NR5A2: variants seen among roughly 807,000 people sequenced by gnomAD.
The protein encoded by NR5A2 is nuclear receptor subfamily 5 group A member 2.
A neutral mutation model predicts 62.7 loss-of-function variants in NR5A2; 26 were observed. That is an observed-to-expected ratio of 0.41 (90% CI 0.30 to 0.58). NR5A2 has a LOEUF of 0.58. Ranked by LOEUF, NR5A2 falls within the 20% of genes least tolerant of loss-of-function variation. NR5A2 has a pLI of 0.22. For synonymous variants in NR5A2, 246 were observed against 241.7 expected, an observed-to-expected ratio of 1.02 and a Z score of -0.16; for missense variants, 541 against 669.1, an observed-to-expected ratio of 0.81 and a Z score of 2.11.
intron 5 of NR5A2, among the ~76,000 whole-genome samples, chr1:200,083,349 T>A (rs1333844371): frequency 6.6e-6 from 1 of 152,236 alleles, no homozygotes; most frequent in Admixed American, 6.5e-5. Context: ...ACAAATGTCA[T>A]CATTTGCTGT....
intron 4 of NR5A2, among the ~76,000 whole-genome samples, chr1:200,047,357 A>C (rs956615047): frequency 1.1e-4 from 16 of 152,174 alleles, no homozygotes; most frequent in African/African-American, 3.6e-4. Flanking sequence ...ACATGTCCCC[A>C]CCCCTTTTGT....
intron 1 of NR5A2, 71 bp downstream of exon 1, chr1:200,027,982 T>C (rs754030657): frequency 6.2e-6 from 7 of 1,131,500 alleles, no homozygotes; most frequent in Non-Finnish European, 8.8e-6. Flanking sequence ...ATCTTGTTGA[T>C]GGATTTTGCA....
chr1:200,163,265 CA>C (rs374872273), intron 7 of NR5A2, among the ~76,000 whole-genome samples: 17,877 of 87,854 alleles, frequency 0.2, 1,165 homozygotes, highest in African/African-American at 0.25. Context: ...ATGTCAAAGG[CA>C]AAAAAAAAAA....
At chr1:200,110,690 T>C (rs1313712096) in intron 5 of NR5A2, among the ~76,000 whole-genome samples, 2 of 152,224 alleles carry the variant, frequency 1.3e-5, no homozygotes, top group Admixed American at 6.5e-5. Context: ...ACGGGCTGTG[T>C]GTCTTTGTCT....
At chr1:200,071,506 A>G (rs979247901) in intron 5 of NR5A2, among the ~76,000 whole-genome samples, 1 of 152,238 alleles carries the variant, frequency 6.6e-6, no homozygotes, top group Non-Finnish European at 1.5e-5. Context: ...CTTGAGTATA[A>G]GGCAAATCTG....
chr1:200,170,222 C>T (rs2246923), intron 7 of NR5A2, among the ~76,000 whole-genome samples: 50,809 of 151,938 alleles, frequency 0.33, 8,763 homozygotes, highest in East Asian at 0.43. Flanking sequence ...TGGAATAGGA[C>T]TTGATTTTTA....
intron 5 of NR5A2, among the ~76,000 whole-genome samples, chr1:200,096,360 T>C (rs1446530092): frequency 6.6e-6 from 1 of 152,208 alleles, no homozygotes; most frequent in Non-Finnish European, 1.5e-5. Context: ...AGTGCTGAGA[T>C]TACAGGCGTG....
At chr1:200,168,950 G>A (rs1280122437) in intron 7 of NR5A2, among the ~76,000 whole-genome samples, 1 of 152,282 alleles carries the variant, frequency 6.6e-6, no homozygotes, top group East Asian at 1.9e-4. Context: ...ACAGTTTATA[G>A]ATTGTCATCT....
intron 5 of NR5A2, among the ~76,000 whole-genome samples, chr1:200,059,195 C>T (rs923651946): frequency 6.6e-6 from 1 of 152,124 alleles, no homozygotes; most frequent in Non-Finnish European, 1.5e-5. Context: ...AGAACAGGAA[C>T]AGGGTCTTGT....
rs1663777656 is a variant in NR5A2 at position 200,072,403 on chromosome 1, A to G, written c.1110+23585A>G. Among the ~76,000 whole-genome samples, 4 of 152,200 alleles carry G rather than the reference A, an allele frequency of 2.6e-5. No individual in the cohort carries two copies. In the South Asian group the frequency reaches 8.3e-4, roughly 32 times the overall value. ...ATTTTGCTTCAGTATCTAAGACAAA[A>G]TTTGAATGATTTGAGAATGCATGAT... On this transcript the variant is annotated intron_variant, in intron 5 of 7. Transcript: ENST00000367362.
Position 200,176,308 on chromosome 1 carries a change from T to C in NR5A2, c.*2098T>C, listed in dbSNP as rs117706497. On this transcript the variant is annotated 3_prime_UTR_variant, in exon 8 of 8. Coordinates refer to ENST00000367362, the MANE Select transcript of NR5A2 (RefSeq NM_205860.3). Reference sequence around the variant, plus strand: ...GTACAAAGAGGATTATTTTATTATGTTTATTAATCACCTCTAATACTCATC... The same window carrying C: ...GTACAAAGAGGATTATTTTATTATGCTTATTAATCACCTCTAATACTCATC... 6.5e-5 allele frequency: 10 copies of C among 152,774 alleles called. No individual in the cohort carries two copies. The East Asian group carries it at 1.3e-3, about 21-fold the overall frequency. 9.5% of individuals were successfully genotyped at this position (152,774 alleles called of 1,614,324 possible).
chr1:200,100,149 G>T (rs1665297821), intron 5 of NR5A2, among the ~76,000 whole-genome samples: 1 of 152,168 alleles, frequency 6.6e-6, no homozygotes, highest in Admixed American at 6.5e-5. Flanking sequence ...TTCTAAACTG[G>T]AGAACAGGAA....
At chr1:200,131,078 T>C (rs1378119927) in intron 7 of NR5A2, among the ~76,000 whole-genome samples, 1 of 152,236 alleles carries the variant, frequency 6.6e-6, no homozygotes. Flanking sequence ...AAGCATTTCC[T>C]AAAATTTATG....
At chr1:200,075,899 T>TTCTTTTCTTTTC (rs1388139424) in intron 5 of NR5A2, among the ~76,000 whole-genome samples, 2 of 152,138 alleles carry the variant, frequency 1.3e-5, no homozygotes, top group Non-Finnish European at 1.5e-5. Flanking sequence ...TTCTTTTCTT[T>TTCTTTTCTTTTC]TTTTTTTGTT....
At chr1:200,100,285 C>T (rs1665304264) in intron 5 of NR5A2, among the ~76,000 whole-genome samples, 1 of 152,192 alleles carries the variant, frequency 6.6e-6, no homozygotes, top group African/African-American at 2.4e-5. Context: ...GAAATATTTT[C>T]CTTCGTACTT....
rs138519275 is a variant in NR5A2, at chr1:200,133,505, C to CTATATATATATATATATATA, written c.1378+12553_1378+12572dup. Among the ~76,000 whole-genome samples, 550 of 134,196 alleles carry CTATATATATATATATATATA rather than the reference C, an allele frequency of 4.1e-3. 1 individual carries two copies. The highest frequency in any genetic ancestry group is 4.9e-3 in the East Asian group (22 of 4,502). 88.0% of individuals were successfully genotyped at this position (134,196 alleles called of 152,430 possible). A position where few individuals can be genotyped will look rare whatever the true frequency, so the allele number is the denominator to read the frequency against. On this transcript the variant is annotated intron_variant, in intron 7 of 7. Coordinates refer to ENST00000367362, the MANE Select transcript of NR5A2 (RefSeq NM_205860.3). ...TAATGATGTTTTGGTCACTGATGGA[C>CTATATATATATATATATATA]TATATATATATATATATATATACAC... is the stretch of plus-strand genomic sequence containing the variant.
chr1:200,164,355 TTGGG>T (rs1653795067), intron 7 of NR5A2, among the ~76,000 whole-genome samples: 1 of 152,240 alleles, frequency 6.6e-6, no homozygotes, highest in Non-Finnish European at 1.5e-5. Flanking sequence ...GAATTCGTTC[TTGGG>T]AGGAACACAC....
At chr1:200,043,123 G>A in intron 2 of NR5A2, 1 of 525,764 alleles carries the variant, frequency 1.9e-6, no homozygotes, top group Non-Finnish European at 2.4e-6. Flanking sequence ...TATTTTCACA[G>A]ATTTTCAAAC....
chr1:200,037,791 T>C (rs561604054), intron 1 of NR5A2, among the ~76,000 whole-genome samples: 26 of 152,296 alleles, frequency 1.7e-4, no homozygotes, highest in East Asian at 5.8e-4. Flanking sequence ...TGAATATATA[T>C]TGAAGAGCAA....
Sources: gnomAD v4.1 joint callset for allele counts (sites outside exome capture counted in the v4.1 genomes callset) on GRCh38, gnomAD v4.1.1 for gene constraint, MANE v1.5 for transcripts, NCBI Gene and HGNC (gene_info 2026-07-23, HGNC 2026-07-21) for gene names.